PHKA2: variants seen among roughly 807,000 people sequenced by gnomAD.
The protein encoded by PHKA2 is phosphorylase b kinase regulatory subunit alpha, liver isoform.
In PHKA2, 31 loss-of-function variants were observed where a neutral mutation model predicts 102.0. The observed-to-expected ratio is 0.30, with a 90% CI of 0.23 to 0.41. PHKA2 has a LOEUF of 0.41. PHKA2 is among the 10% of genes least tolerant of loss of function. The pLI is 1.00. For synonymous variants in PHKA2, 455 were observed against 416.2 expected (o/e 1.09, Z -1.13); for missense variants, 858 against 1,023.1 (o/e 0.84, Z 2.20).
Position 18,906,605 on chromosome X carries a change from GC to G in PHKA2, c.2695del (p.Ala899ProfsTer15). Reference protein sequence around the residue: ...VLTQEIVVYLAMYVRAQPSLF... With the variant: ...VLTQEIVVYLXMYVRAQPSLF... ...GCTGGGCTGCGCCCTGACATACATG[GC>G]CAGGTAAACCACAATCTCCTGAGGC... is the stretch of plus-strand genomic sequence containing the variant. On this transcript the variant is annotated frameshift_variant, in exon 25 of 33. Transcript: ENST00000379942. LOFTEE classifies it high-confidence loss of function. 1 of 1,201,727 alleles carries G rather than the reference GC, an allele frequency of 8.3e-7. No homozygotes were observed. The highest frequency in any genetic ancestry group is 1.1e-6 in the Non-Finnish European group (1 of 885,982).
chrX:18,908,150 C>G, intron 21 of PHKA2, 94 bp from the exon 22 acceptor site: 1 of 853,822 alleles, frequency 1.2e-6, no homozygotes, highest in Non-Finnish European at 1.7e-6. Context: ...CACTTGGGCT[C>G]TCCCAGTGCC....
chrX:18,978,881 T>C (rs2049130446), intron 1 of PHKA2, among the ~76,000 whole-genome samples: 1 of 111,450 alleles, frequency 9.0e-6, no homozygotes, highest in African/African-American at 3.3e-5. Context: ...AGCTCACACC[T>C]GTAATCCCAG....
intron 21 of PHKA2, 88 bp from the exon 22 acceptor site, chrX:18,908,144 T>G: frequency 1.1e-6 from 1 of 925,800 alleles, no homozygotes; most frequent in Non-Finnish European, 1.6e-6. Context: ...GCACAGCACT[T>G]GGGCTCTCCC....
intron 1 of PHKA2, among the ~76,000 whole-genome samples, chrX:18,977,815 G>A (rs889163530): frequency 9.0e-6 from 1 of 111,476 alleles, no homozygotes; most frequent in African/African-American, 3.3e-5. Context: ...TATGTTTTAG[G>A]TTTTGTCTCT....
chrX:18,898,384 C>T (rs1030892813), intron 29 of PHKA2, among the ~76,000 whole-genome samples: 56 of 113,026 alleles, frequency 5.0e-4, no homozygotes, highest in Non-Finnish European at 9.6e-4. Flanking sequence ...TCTTGCCCTG[C>T]GGGGCTTCTA....
At chrX:18,903,732 C>T (rs1317925279) in intron 26 of PHKA2, among the ~76,000 whole-genome samples, 1 of 112,180 alleles carries the variant, frequency 8.9e-6, no homozygotes, top group African/African-American at 3.2e-5. Flanking sequence ...TCACTCCCAA[C>T]CTATCGCACC....
intron 7 of PHKA2, among the ~76,000 whole-genome samples, chrX:18,943,193 A>G (rs181967314): frequency 1.5e-3 from 173 of 111,814 alleles, no homozygotes; most frequent in African/African-American, 5.4e-3. Context: ...TCTGCTCAAT[A>G]GAATCCTCCA....
chrX:18,918,676 C>T lies in PHKA2; in HGVS notation c.2137+5G>A, dbSNP rs372314504. The T allele has an allele frequency of 4.9e-5, 59 of 1,200,456 alleles. No individual in the cohort carries two copies. The highest frequency in any genetic ancestry group is 5.9e-5 in the Non-Finnish European group (52 of 886,248). ...TTAACAGGCAGAAAAGAGTTAATAA[C>T]ATACATGGAACTTCCAAACCCTTTG... On this transcript the variant is annotated splice_donor_5th_base_variant and intron_variant, in intron 19 of 32. Coordinates refer to ENST00000379942, the MANE Select transcript of PHKA2 (RefSeq NM_000292.3).
Position 18,892,500 on chromosome X carries a change from A to G in PHKA2, c.*985T>C, listed in dbSNP as rs774648815. On this transcript the variant is annotated 3_prime_UTR_variant, in exon 33 of 33. Transcript: ENST00000379942. ...ACTGCACCCACCCAAGAGAGTGAAG[A>G]CCAAAGTGCTTCTACCAAGAGGGTA... 1 of 112,193 alleles carries G rather than the reference A, an allele frequency of 8.9e-6. No individual in the cohort carries two copies. Among genetic ancestry groups the G allele is most frequent in the Non-Finnish European group, 1.9e-5 (1 of 53,245 alleles). The allele number at this position is 112,193 out of a possible 1,213,427, so 9.2% of individuals were successfully genotyped here. A position where few individuals can be genotyped will look rare whatever the true frequency, so the allele number is the denominator to read the frequency against.
intron 29 of PHKA2, 98 bp downstream of exon 29, chrX:18,899,075 C>T (rs2047627018): frequency 5.5e-6 from 4 of 731,111 alleles, no homozygotes; most frequent in Non-Finnish European, 8.7e-6. Flanking sequence ...AACACTTCAG[C>T]CCTGCTCGAA....
Position 18,972,784 on chromosome X carries a change from A to G in PHKA2, c.78+11071T>C, listed in dbSNP as rs184691671. Among the ~76,000 whole-genome samples, 3 of 111,253 alleles carry G rather than the reference A, an allele frequency of 2.7e-5. No individual in the cohort carries two copies. In the Admixed American group the frequency reaches 2.9e-4, roughly 11 times the overall value. ...CCAGTCACTTTGGGTTTTCTGTAGC[A>G]CTTTTTTCCTGCAAATAATAATCTC... On this transcript the variant is annotated intron_variant, in intron 1 of 32. Transcript: ENST00000379942.
At chrX:18,923,231 A>G (rs1283676321) in intron 17 of PHKA2, among the ~76,000 whole-genome samples, 2 of 109,475 alleles carry the variant, frequency 1.8e-5, no homozygotes, top group African/African-American at 6.7e-5. Context: ...TGTATTTTCA[A>G]TAGAGACAGG....
chrX:18,949,555 A>AG (rs1754533849), intron 4 of PHKA2, among the ~76,000 whole-genome samples: 1 of 112,317 alleles, frequency 8.9e-6, no homozygotes, highest in Non-Finnish European at 1.9e-5. Flanking sequence ...GCAAAATAAA[A>AG]GAAGGAAGGA....
intron 1 of PHKA2, among the ~76,000 whole-genome samples, chrX:18,964,950 G>A (rs1601793748): frequency 1.8e-5 from 2 of 112,047 alleles, no homozygotes; most frequent in African/African-American, 6.5e-5. Context: ...CTGCTTATTC[G>A]ATTCTCCCCT....
chrX:18,919,102 G>A (rs906295715), intron 18 of PHKA2, among the ~76,000 whole-genome samples: 1 of 111,709 alleles, frequency 9.0e-6, no homozygotes, highest in African/African-American at 3.3e-5. Context: ...AGTCAAGATA[G>A]TGTTTACATC....
At chrX:18,902,637 T>C (rs748447626) in intron 26 of PHKA2, among the ~76,000 whole-genome samples, 1 of 110,384 alleles carries the variant, frequency 9.1e-6, no homozygotes, top group East Asian at 2.9e-4. Flanking sequence ...GGCACATGCC[T>C]GTAATCCCAG....
In PHKA2 at chrX:18,906,871, C is replaced by T. The variant is rs754353274; in HGVS notation, c.2598-57G>A. ...GAGGTGTCTTGAGACAGTGCCTCCT[C>T]GCCCTCCATGGAACACCCTTATTTT... On this transcript the variant is annotated intron_variant, in intron 23 of 32. Transcript: ENST00000379942. The T allele has an allele frequency of 7.5e-6, 8 of 1,063,747 alleles. No homozygotes were observed. The African/African-American group carries it at 9.1e-5, about 12-fold the overall frequency. The allele number at this position is 1,063,747 out of a possible 1,213,427, so 87.7% of individuals were successfully genotyped here.
At chrX:18,894,486 C>A in intron 31 of PHKA2, 82 bp from the exon 32 acceptor site, 3 of 859,816 alleles carry the variant, frequency 3.5e-6, no homozygotes, top group South Asian at 4.1e-5. Context: ...CCAAGGGTGA[C>A]CGTAGCAGTG....
At chrX:18,946,510 A>G (rs1161457625) in intron 5 of PHKA2, among the ~76,000 whole-genome samples, 1 of 111,351 alleles carries the variant, frequency 9.0e-6, no homozygotes, top group Non-Finnish European at 1.9e-5. Flanking sequence ...CATATGCCCC[A>G]TGATTTGGCC....
Sources: gnomAD v4.1 joint callset for allele counts (sites outside exome capture counted in the v4.1 genomes callset) on GRCh38, gnomAD v4.1.1 for gene constraint, MANE v1.5 for transcripts, NCBI Gene and HGNC (gene_info 2026-07-23, HGNC 2026-07-21) for gene names.